Variants in SSX5 observed in about 807,000 individuals in gnomAD.
SSX5 encodes SSX family member 5, also known as protein SSX5.
Under a neutral mutation model 14.9 loss-of-function variants are expected in SSX5, and 14 were observed. The ratio of observed to expected loss-of-function variants is 0.94; its 90% confidence interval spans 0.62 to 1.47. The LOEUF is 1.47. Among genes scored for constraint, SSX5 ranks in the 40% most tolerant of loss-of-function variants. The probability of loss-of-function intolerance (pLI) is 0.00; values close to 1 mark genes in which losing one functional copy is unlikely to be tolerated. For missense variants in SSX5, 204 were observed against 154.6 expected, an observed-to-expected ratio of 1.32 and a Z score of -1.70; for synonymous variants, 70 against 55.4, an observed-to-expected ratio of 1.26 and a Z score of -1.17.
chrX:48,189,445 C>T (rs1403110264), intron 6 of SSX5, among the ~76,000 whole-genome samples: 5 of 111,887 alleles, frequency 4.5e-5, no homozygotes, highest in Non-Finnish European at 5.6e-5. Flanking sequence ...CACCCTTCAG[C>T]AACCACCACC....
At chrX:48,191,192 C>T (rs1556924692) in intron 5 of SSX5, among the ~76,000 whole-genome samples, 1 of 111,246 alleles carries the variant, frequency 9.0e-6, no homozygotes, top group African/African-American at 3.3e-5. Flanking sequence ...CGTGAGCCAC[C>T]ACGCCCAGTC....
At chrX:48,195,497 C>T (rs1179541201) in intron 1 of SSX5, 119 bp from the exon 2 acceptor site, 31 of 724,620 alleles carry the variant, frequency 4.3e-5, no homozygotes, top group African/African-American at 2.8e-4. Context: ...TTTCTCCATC[C>T]GTGGCTTATC....
chrX:48,195,500 G>A, intron 1 of SSX5, 122 bp from the exon 2 acceptor site: 1 of 711,551 alleles, frequency 1.4e-6, no homozygotes, highest in Admixed American at 2.8e-5. Context: ...CTCCATCCGT[G>A]GCTTATCTGT....
In SSX5 at chrX:48,192,251, A is replaced by G. The variant is rs782209377; in HGVS notation, c.311T>C (p.Leu104Pro). ...VEHPQMTFGR[L>P]QGIFPKITPE... ...ACTCACCTTCGGGAAGATTCCCTGGAGCCTGCCGAAAGTCATCTGAGGATG... is the reference window on the plus strand; with the variant it reads ...ACTCACCTTCGGGAAGATTCCCTGGGGCCTGCCGAAAGTCATCTGAGGATG... The change falls in exon 5 of 8, where the codon CTC becomes CCC. Residue 104 changes from leucine (L) to proline (P), a missense_variant. Leu to Pro is a moderately conservative substitution (Grantham distance 98). Transcript: ENST00000347757. The G allele has an allele frequency of 5.8e-6, 7 of 1,209,917 alleles. No individual in the cohort carries two copies. In the Admixed American group the frequency reaches 8.7e-5, roughly 15 times the overall value.
In SSX5 at chrX:48,192,247, C is replaced by A. The variant is rs782286564; in HGVS notation, c.315G>T (p.Gln105His). Reference sequence around the variant, plus strand: ...AGACACTCACCTTCGGGAAGATTCCCTGGAGCCTGCCGAAAGTCATCTGAG... The same window carrying A: ...AGACACTCACCTTCGGGAAGATTCCATGGAGCCTGCCGAAAGTCATCTGAG... The part of the protein sequence containing the change: ...EHPQMTFGRL[Q>H]GIFPKITPEK... The change falls in exon 5 of 8, where the codon CAG (glutamine) becomes CAT (histidine). Residue 105 changes from glutamine (Q) to histidine (H), a missense_variant. Gln to His is a conservative substitution (Grantham distance 24). Transcript: ENST00000347757. 172 of 1,209,769 alleles carry A rather than the reference C, an allele frequency of 1.4e-4. No individual in the cohort carries two copies. In the African/African-American group the frequency reaches 2.3e-3, roughly 16 times the overall value.
In SSX5 at chrX:48,190,269, C is replaced by G. The variant is rs1318899152; in HGVS notation, c.331-1G>C. On this transcript the variant is annotated splice_acceptor_variant, in intron 5 of 7. Coordinates refer to ENST00000347757, the MANE Select transcript of SSX5 (RefSeq NM_175723.2). LOFTEE classifies it high-confidence loss of function. Reference sequence around the variant, plus strand: ...CCTCTGCTGGCTTCTCGGGCGTGATCTTTATAATGTGAAGGTCACAGATAA... The same window carrying G: ...CCTCTGCTGGCTTCTCGGGCGTGATGTTTATAATGTGAAGGTCACAGATAA... The G allele has an allele frequency of 8.4e-7, 1 of 1,194,496 alleles. No homozygotes were observed. The highest frequency in any genetic ancestry group is 1.1e-6 in the Non-Finnish European group (1 of 889,296).
At chrX:48,188,981 A>G (rs2059409322) in intron 6 of SSX5, among the ~76,000 whole-genome samples, 1 of 112,534 alleles carries the variant, frequency 8.9e-6, no homozygotes, top group Admixed American at 9.5e-5. Flanking sequence ...CCAAAGTCTA[A>G]TTCAGGGCAA....
In SSX5 at chrX:48,186,413, C is replaced by CGT. The variant is rs1569439762; in HGVS notation, c.*447_*448insAC. ...GTGTGTGTGTGTGTGTGCGCGCGCG[C>CGT]GCGCATGTGTGTCTGTGTGGCATGT... On this transcript the variant is annotated 3_prime_UTR_variant, in exon 8 of 8. Transcript: ENST00000347757. 110 of 266,837 alleles carry CGT rather than the reference C, an allele frequency of 4.1e-4. No homozygotes were observed. The highest frequency in any genetic ancestry group is 4.2e-4 in the Admixed American group (7 of 16,481). 22.0% of individuals were successfully genotyped at this position (266,837 alleles called of 1,213,427 possible). A position where few individuals can be genotyped will look rare whatever the true frequency, so the allele number is the denominator to read the frequency against.
Position 48,186,529 on chromosome X carries a change from G to A in SSX5, c.*332C>T, listed in dbSNP as rs1457182362. 21 of 403,700 alleles carry A rather than the reference G, an allele frequency of 5.2e-5. No homozygotes were observed. The highest frequency in any genetic ancestry group is 1.7e-4 in the Admixed American group (4 of 24,112). The allele number at this position is 403,700 out of a possible 1,213,427, so 33.3% of individuals were successfully genotyped here. On this transcript the variant is annotated 3_prime_UTR_variant, in exon 8 of 8. Coordinates refer to ENST00000347757, the MANE Select transcript of SSX5 (RefSeq NM_175723.2). ...TCACATCTGGGAAGAGAGGAGGGTA[G>A]TGTTGTTCTATGCAGAGAATACCTG...
chrX:48,196,377 G>GTTT (rs782199815), intron 1 of SSX5, among the ~76,000 whole-genome samples: 3 of 97,187 alleles, frequency 3.1e-5, no homozygotes, highest in Admixed American at 1.1e-4. Flanking sequence ...ATTTGAGTGA[G>GTTT]TTTTTTTTTT....
At chrX:48,195,705 G>A (rs782108728) in intron 1 of SSX5, among the ~76,000 whole-genome samples, 21 of 111,296 alleles carry the variant, frequency 1.9e-4, no homozygotes, top group Non-Finnish European at 3.4e-4. Flanking sequence ...TGTTGGGAAG[G>A]CAGAGATGTG....
rs188061972 is a variant in SSX5 at position 48,187,210 on chromosome X, C to G, written c.*5-354G>C. Among the ~76,000 whole-genome samples the G allele has an allele frequency of 3.1e-4, 35 of 111,586 alleles. No homozygotes were observed. In the East Asian group the frequency reaches 9.6e-3, roughly 31 times the overall value. On this transcript the variant is annotated intron_variant, in intron 7 of 7. Transcript: ENST00000347757. Reference sequence around the variant, plus strand: ...GAGGCTCACGCCTGTAGTCACAACACTTTGGGAGGCGGAGGCAGATGGATC... The same window carrying G: ...GAGGCTCACGCCTGTAGTCACAACAGTTTGGGAGGCGGAGGCAGATGGATC...
chrX:48,188,010 A>G (rs1556924141), intron 6 of SSX5, among the ~76,000 whole-genome samples: 2 of 111,426 alleles, frequency 1.8e-5, no homozygotes, highest in Non-Finnish European at 1.9e-5. Context: ...GGGAACATTC[A>G]CCCTTACCTC....
intron 5 of SSX5, 133 bp downstream of exon 5, chrX:48,192,099 T>C: frequency 9.6e-7 from 1 of 1,045,751 alleles, no homozygotes; most frequent in Non-Finnish European, 1.3e-6. Context: ...CCGTCGGTGC[T>C]ACATCAGGTG....
chrX:48,191,293 A>T (rs2059419072), intron 5 of SSX5, among the ~76,000 whole-genome samples: 1 of 111,782 alleles, frequency 8.9e-6, no homozygotes, highest in Middle Eastern at 4.6e-3. Context: ...TGAGCTTGTA[A>T]ACACTGTTTA....
In SSX5 at chrX:48,195,101, C is replaced by T; in HGVS notation, c.69+189G>A. 2 of 1,211,584 alleles carry T rather than the reference C, an allele frequency of 1.7e-6. No individual in the cohort carries two copies. Among genetic ancestry groups the T allele is most frequent in the Non-Finnish European group, 2.2e-6 (2 of 895,373 alleles). On this transcript the variant is annotated intron_variant, in intron 2 of 7. Transcript: ENST00000347757. ...CGGACTGAGATTCACCAAATGTATT[C>T]CACGGTCACAGACTTGTCTCCAGGG...
chrX:48,193,078 G>A (rs1301667284), intron 4 of SSX5, among the ~76,000 whole-genome samples: 3 of 111,939 alleles, frequency 2.7e-5, no homozygotes, highest in African/African-American at 9.7e-5. Context: ...TCATCACAGA[G>A]AATCAGGGTT....
chrX:48,186,435 A>C lies in SSX5; in HGVS notation c.*426T>G. ...GCGCGCGCATGTGTGTCTGTGTGGC[A>C]TGTGTGTGTGTTTGTGTAAATGCAG... is the stretch of plus-strand genomic sequence containing the variant. On this transcript the variant is annotated 3_prime_UTR_variant, in exon 8 of 8. Transcript: ENST00000347757. The C allele has an allele frequency of 3.7e-6, 1 of 272,730 alleles. No homozygotes were observed. The highest frequency in any genetic ancestry group is 6.6e-6 in the Non-Finnish European group (1 of 151,747). The allele number at this position is 272,730 out of a possible 1,213,427, so 22.5% of individuals were successfully genotyped here. A position where few individuals can be genotyped will look rare whatever the true frequency, so the allele number is the denominator to read the frequency against.
Position 48,186,845 on chromosome X carries a change from A to G in SSX5, c.*16T>C, listed in dbSNP as rs2059399676. The G allele has an allele frequency of 4.2e-6, 5 of 1,198,146 alleles. No individual in the cohort carries two copies. Among genetic ancestry groups the G allele is most frequent in the Non-Finnish European group, 5.6e-6 (5 of 895,304 alleles). On this transcript the variant is annotated 3_prime_UTR_variant, in exon 8 of 8. Transcript: ENST00000347757. ...CTGCTTCTCATCATGGGCATGTGTC[A>G]TATCCCCGAGGCTGAGGCAAGAAGC... is the stretch of plus-strand genomic sequence containing the variant.
Sources: gnomAD v4.1 joint callset for allele counts (sites outside exome capture counted in the v4.1 genomes callset) on GRCh38, gnomAD v4.1.1 for gene constraint, MANE v1.5 for transcripts, NCBI Gene and HGNC (gene_info 2026-07-23, HGNC 2026-07-21) for gene names.